UNC13C: variants seen among roughly 807,000 people sequenced by gnomAD.
UNC13C encodes unc-13 homolog C, also known as protein unc-13 homolog C.
UNC13C carries 174 observed loss-of-function variants against 245.4 expected under a neutral mutation model. That is an observed-to-expected ratio of 0.71 (90% CI 0.63 to 0.80). UNC13C has a LOEUF of 0.80. UNC13C is among the 30% of genes least tolerant of loss of function. The pLI is 0.00. For synonymous variants in UNC13C, 992 were observed against 895.1 expected (o/e 1.11, Z -1.93); for missense variants, 2,829 against 2,602.9 (o/e 1.09, Z -1.89).
chr15:54,493,520 C>G (rs2141086318), intron 19 of UNC13C, among the ~76,000 whole-genome samples: 1 of 152,100 alleles, frequency 6.6e-6, no homozygotes, highest in South Asian at 2.1e-4. Context: ...ATTTTAGTCC[C>G]TCTATATTCC....
chr15:54,266,217 T>C (rs776097452), intron 10 of UNC13C, among the ~76,000 whole-genome samples: 1 of 151,928 alleles, frequency 6.6e-6, no homozygotes, highest in Non-Finnish European at 1.5e-5. Flanking sequence ...TATAGCTTAT[T>C]TGGGAATGTG....
intron 2 of UNC13C, among the ~76,000 whole-genome samples, chr15:54,118,929 TG>T (rs2030470850): frequency 6.6e-6 from 1 of 151,742 alleles, no homozygotes; most frequent in Non-Finnish European, 1.5e-5. Context: ...TCTGTTAATG[TG>T]ATGTATCACA....
chr15:54,141,306 T>C (rs1236598966), intron 2 of UNC13C, among the ~76,000 whole-genome samples: 2 of 152,170 alleles, frequency 1.3e-5, no homozygotes, highest in Admixed American at 1.3e-4. Context: ...AATAACTTTC[T>C]ATTTTGACTT....
At chr15:54,101,980 G>A in intron 2 of UNC13C, among the ~76,000 whole-genome samples, 1 of 150,986 alleles carries the variant, frequency 6.6e-6, no homozygotes, top group Middle Eastern at 3.4e-3. Context: ...TAAACTGCTT[G>A]CCTTTGTTCA....
At chr15:54,448,779 A>T (rs1370723330) in intron 19 of UNC13C, among the ~76,000 whole-genome samples, 7 of 152,124 alleles carry the variant, frequency 4.6e-5, no homozygotes, top group Non-Finnish European at 8.8e-5. Flanking sequence ...TTTACATTTA[A>T]GGTTAATATT....
At chr15:54,356,068 A>AT (rs1220115428) in intron 17 of UNC13C, among the ~76,000 whole-genome samples, 13 of 152,268 alleles carry the variant, frequency 8.5e-5, no homozygotes, top group African/African-American at 2.6e-4. Flanking sequence ...AAATATTCTC[A>AT]TTTTTTATGT....
At chr15:53,939,690 A>C in the UNC13C span, among the ~76,000 whole-genome samples, 1 of 152,218 alleles carries the variant, frequency 6.6e-6, no homozygotes, top group Non-Finnish European at 1.5e-5. Context: ...AACATATGCA[A>C]ATTAATATAG....
the UNC13C span, among the ~76,000 whole-genome samples, chr15:53,857,400 G>T: frequency 6.6e-6 from 1 of 152,120 alleles, no homozygotes; most frequent in Non-Finnish European, 1.5e-5. Flanking sequence ...ATCTGGACTG[G>T]CACAAGGCAG....
chr15:54,013,389 C>T lies in UNC13C; in HGVS notation c.486C>T (p.Pro162=). 6.2e-7 allele frequency: 1 copy of T among 1,613,846 alleles called. No individual in the cohort carries two copies. Among genetic ancestry groups the T allele is most frequent in the Non-Finnish European group, 8.5e-7 (1 of 1,179,872 alleles). Residue 162 remains proline (P), a synonymous_variant, in exon 2 of 33, where the codon CCC becomes CCT. Coordinates refer to ENST00000260323, the MANE Select transcript of UNC13C (RefSeq NM_001080534.3). ...RNRKSSSSLA[P]SEGSSDGERT... ...GAAAGAGTTCAAGCAGCCTTGCACC[C>T]TCTGAGGGCAGCTCTGACGGGGAGC...
chr15:54,237,924 A>T (rs546522104), intron 7 of UNC13C, among the ~76,000 whole-genome samples: 6 of 152,268 alleles, frequency 3.9e-5, no homozygotes, highest in African/African-American at 1.4e-4. Context: ...TTCAATTCTA[A>T]CATAGCTTCC....
chr15:54,479,903 C>A (rs1893006926), intron 19 of UNC13C, among the ~76,000 whole-genome samples: 1 of 151,980 alleles, frequency 6.6e-6, no homozygotes, highest in Admixed American at 6.6e-5. Flanking sequence ...CTTTCAGATT[C>A]GAATAGTAGC....
At chr15:54,563,829 C>G (rs997757188) in intron 29 of UNC13C, among the ~76,000 whole-genome samples, 1 of 152,000 alleles carries the variant, frequency 6.6e-6, no homozygotes, top group Admixed American at 6.6e-5. Context: ...AGATTCTACT[C>G]TCCAGTTCCT....
At chr15:54,617,842 G>C (rs1227653901) in intron 30 of UNC13C, among the ~76,000 whole-genome samples, 1 of 152,042 alleles carries the variant, frequency 6.6e-6, no homozygotes, top group East Asian at 1.9e-4. Flanking sequence ...GGAGCTATGG[G>C]GCAGATGAGC....
the UNC13C span, among the ~76,000 whole-genome samples, chr15:53,885,053 G>A: frequency 6.6e-6 from 1 of 152,228 alleles, no homozygotes; most frequent in Non-Finnish European, 1.5e-5. Context: ...CACACAAAGA[G>A]TGGATCTTAA....
chr15:53,999,563 A>C (rs1566939767), intron 1 of UNC13C, among the ~76,000 whole-genome samples: 1 of 151,372 alleles, frequency 6.6e-6, no homozygotes. Context: ...TTTGTCATTG[A>C]CTTCTTCTCT....
Position 54,463,266 on chromosome 15 carries a change from G to C in UNC13C, c.4934-31342G>C, listed in dbSNP as rs1398329901. On this transcript the variant is annotated intron_variant, in intron 19 of 32. Coordinates refer to ENST00000260323, the MANE Select transcript of UNC13C (RefSeq NM_001080534.3). ...ATGGGCCAATCAGTAGAATGTGGGC[G>C]GGGGGGGGGGGGGGGGCCGGTCAGG... Among the ~76,000 whole-genome samples the C allele has an allele frequency of 3.4e-4, 5 of 14,800 alleles. 1 individual carries two copies. Among genetic ancestry groups the C allele is most frequent in the Non-Finnish European group, 1.2e-3 (5 of 4,244 alleles). The allele number at this position is 14,800 out of a possible 152,430, so 9.7% of individuals were successfully genotyped here. A position where few individuals can be genotyped will look rare whatever the true frequency, so the allele number is the denominator to read the frequency against.
intron 30 of UNC13C, among the ~76,000 whole-genome samples, chr15:54,619,719 T>TGTCA (rs1317982815): frequency 6.6e-6 from 1 of 152,212 alleles, no homozygotes; most frequent in Non-Finnish European, 1.5e-5. Context: ...AAGCAACTAC[T>TGTCA]GTCAGCCTAT....
chr15:54,414,088 C>T (rs769128618), intron 18 of UNC13C, among the ~76,000 whole-genome samples: 5 of 152,124 alleles, frequency 3.3e-5, no homozygotes, highest in Non-Finnish European at 7.4e-5. Flanking sequence ...TTAACCTAAG[C>T]TTGTTTAGTC....
intron 2 of UNC13C, among the ~76,000 whole-genome samples, chr15:54,042,904 C>G (rs1319604378): frequency 6.6e-6 from 1 of 152,080 alleles, no homozygotes; most frequent in African/African-American, 2.4e-5. Flanking sequence ...ATCTACTGCG[C>G]ATAACATTGA....
Sources: gnomAD v4.1 joint callset for allele counts (sites outside exome capture counted in the v4.1 genomes callset) on GRCh38, gnomAD v4.1.1 for gene constraint, MANE v1.5 for transcripts, NCBI Gene and HGNC (gene_info 2026-07-23, HGNC 2026-07-21) for gene names.